The following ZBTB40 variants were observed in gnomAD, a reference collection of about 807,000 sequenced individuals.
ZBTB40 encodes the protein zinc finger and BTB domain-containing protein 40.
Under a neutral mutation model 117.5 loss-of-function variants are expected in ZBTB40, and 60 were observed. The observed-to-expected ratio is 0.51, with a 90% CI of 0.41 to 0.63. The LOEUF is 0.63. Ranked by LOEUF, ZBTB40 falls within the 30% of genes least tolerant of loss-of-function variation. ZBTB40 has a pLI of 0.00. For synonymous variants in ZBTB40, 525 were observed against 577.1 expected (o/e 0.91, Z 1.29); for missense variants, 1,287 against 1,498.5 (o/e 0.86, Z 2.33).
chr1:22,521,525 A>G lies in ZBTB40; in HGVS notation c.3078A>G (p.Arg1026=), dbSNP rs1639524798. ...TGTCTGGTTTGTGGTACCACAATCG[A>G]ACCCACCACCCTGACGTATTTGCTG... The part of the protein sequence containing the change: ...QQLSGLWYHN[R]THHPDVFAAQ... Residue 1026 remains arginine, a synonymous_variant, in exon 15 of 18, where the codon CGA becomes CGG. Coordinates refer to ENST00000375647, the MANE Select transcript of ZBTB40 (RefSeq NM_014870.4). The G allele has an allele frequency of 4.3e-6, 7 of 1,614,222 alleles. No individual in the cohort carries two copies. The highest frequency in any genetic ancestry group is 5.9e-6 in the Non-Finnish European group (7 of 1,180,046).
intron 1 of ZBTB40, among the ~76,000 whole-genome samples, chr1:22,444,402 G>A (rs1205601770): frequency 6.6e-6 from 1 of 152,096 alleles, no homozygotes; most frequent in Non-Finnish European, 1.5e-5. Context: ...GCGACAGAGA[G>A]AGACTCCGTC....
intron 1 of ZBTB40, among the ~76,000 whole-genome samples, chr1:22,430,703 C>A (rs1396542376): frequency 6.6e-6 from 1 of 151,388 alleles, no homozygotes; most frequent in African/African-American, 2.4e-5. Flanking sequence ...AACTCTTAGG[C>A]TGAAGCAATT....
rs542610437 is a variant in ZBTB40, at chr1:22,523,034, G to A, written c.3298+571G>A. On this transcript the variant is annotated intron_variant, in intron 16 of 17. Transcript: ENST00000375647. ...GCGATCTCGGCTCACTGCAAGCTCC[G>A]TCTCCCAGGTTCACGCCATTCTCCT... is the stretch of plus-strand genomic sequence containing the variant. Among the ~76,000 whole-genome samples, 9 of 139,306 alleles carry A rather than the reference G, an allele frequency of 6.5e-5. No homozygotes were observed. In the South Asian group the frequency reaches 1.7e-3, roughly 26 times the overall value. The allele number at this position is 139,306 out of a possible 152,430, so 91.4% of individuals were successfully genotyped here.
intron 1 of ZBTB40, among the ~76,000 whole-genome samples, chr1:22,466,258 A>T (rs1157773453): frequency 6.6e-6 from 1 of 152,206 alleles, no homozygotes; most frequent in African/African-American, 2.4e-5. Flanking sequence ...GTTTACATGT[A>T]TAATATTTTG....
chr1:22,485,746 C>CT (rs1211647125), intron 1 of ZBTB40, among the ~76,000 whole-genome samples: 1 of 152,016 alleles, frequency 6.6e-6, no homozygotes, highest in African/African-American at 2.4e-5. Flanking sequence ...TTTTCTTCTT[C>CT]TTTTTTTACT....
chr1:22,483,670 A>G (rs1638390218), intron 1 of ZBTB40, among the ~76,000 whole-genome samples: 1 of 152,006 alleles, frequency 6.6e-6, no homozygotes. Context: ...TTCTTTGTGT[A>G]TTTTGGATAA....
At chr1:22,519,669 G>T (rs1292983145) in intron 13 of ZBTB40, 2 of 321,852 alleles carry the variant, frequency 6.2e-6, no homozygotes, top group Non-Finnish European at 1.2e-5. Flanking sequence ...TGATGCTCTG[G>T]GGAGTGTGCT....
chr1:22,446,193 A>G (rs1027232491), intron 1 of ZBTB40, among the ~76,000 whole-genome samples: 2 of 151,662 alleles, frequency 1.3e-5, no homozygotes, highest in African/African-American at 4.8e-5. Flanking sequence ...CTCTGAGCTT[A>G]AGGATATGTC....
chr1:22,490,764 G>A, intron 2 of ZBTB40, 119 bp downstream of exon 2: 1 of 1,108,942 alleles, frequency 9.0e-7, no homozygotes, highest in Non-Finnish European at 1.3e-6. Context: ...ATTCAGTGCA[G>A]TACCGTACTG....
At chr1:22,522,609 C>T (rs1469841115) in intron 16 of ZBTB40, 146 bp downstream of exon 16, 7 of 794,854 alleles carry the variant, frequency 8.8e-6, no homozygotes, top group Non-Finnish European at 1.5e-5. Context: ...AGTTGTAGCA[C>T]CTGCCTCATA....
intron 17 of ZBTB40, among the ~76,000 whole-genome samples, chr1:22,524,746 A>G (rs532811041): frequency 1.3e-5 from 2 of 152,128 alleles, no homozygotes; most frequent in African/African-American, 2.4e-5. Flanking sequence ...ACTGCGGGAA[A>G]CCTCGGAGAC....
At chr1:22,466,257 T>C (rs1641252961) in intron 1 of ZBTB40, among the ~76,000 whole-genome samples, 1 of 152,254 alleles carries the variant, frequency 6.6e-6, no homozygotes, top group African/African-American at 2.4e-5. Context: ...TGTTTACATG[T>C]ATAATATTTT....
At chr1:22,523,369 T>A (rs1639592273) in intron 16 of ZBTB40, among the ~76,000 whole-genome samples, 1 of 152,174 alleles carries the variant, frequency 6.6e-6, no homozygotes, top group Non-Finnish European at 1.5e-5. Flanking sequence ...TAATTTGACA[T>A]AGATTTTTAT....
In ZBTB40 at chr1:22,524,455, G is replaced by A. The variant is rs758809790; in HGVS notation, c.3525+11G>A. On this transcript the variant is annotated intron_variant, in intron 17 of 17. Transcript: ENST00000375647. Reference sequence around the variant, plus strand: ...TCACAGATGGCGCAGGTGATTCTGGGGCCATCAGCTACATTAGAATGCTAA... The same window carrying A: ...TCACAGATGGCGCAGGTGATTCTGGAGCCATCAGCTACATTAGAATGCTAA... 9 of 1,611,768 alleles carry A rather than the reference G, an allele frequency of 5.6e-6. No individual in the cohort carries two copies. Among genetic ancestry groups the A allele is most frequent in the Middle Eastern group, 1.6e-4 (1 of 6,076 alleles).
upstream of ZBTB40, among the ~76,000 whole-genome samples, chr1:22,447,616 G>A (rs1475052278): frequency 6.6e-6 from 1 of 152,224 alleles, no homozygotes; most frequent in African/African-American, 2.4e-5. Flanking sequence ...TTCTAAATGT[G>A]AGTGCCTTTT....
intron 15 of ZBTB40, 131 bp downstream of exon 15, chr1:22,521,789 C>A: frequency 7.6e-7 from 1 of 1,322,602 alleles, no homozygotes; most frequent in East Asian, 2.3e-5. Flanking sequence ...TCTGCCCCAG[C>A]GCACCTGTCC....
At chr1:22,450,455 T>A (rs978819970), upstream of ZBTB40, among the ~76,000 whole-genome samples, 1 of 152,134 alleles carries the variant, frequency 6.6e-6, no homozygotes, top group African/African-American at 2.4e-5. Flanking sequence ...CGACCCTGAA[T>A]GTAACGGTGA....
At position 22,521,545 on chromosome 1, in the gene ZBTB40, T is replaced by C; in HGVS notation, c.3098T>C (p.Phe1033Ser). ...YHNRTHHPDV[F>S]AAQNHRSSKF... ...AATCGAACCCACCACCCTGACGTAT[T>C]TGCTGCTCAGAACCACCGATCTTCC... The change falls in exon 15 of 18, where the codon TTT becomes TCT. Residue 1033 changes from phenylalanine (F) to serine (S), a missense_variant. By Grantham distance (155) the Phe-to-Ser change is radical (BLOSUM62 -2). This residue lies in a region of ZBTB40 where 417 missense variants were observed against 564.1 expected (regional missense o/e 0.74). Coordinates refer to ENST00000375647, the MANE Select transcript of ZBTB40 (RefSeq NM_014870.4). The C allele has an allele frequency of 6.2e-7, 1 of 1,614,216 alleles. No homozygotes were observed. The highest frequency in any genetic ancestry group is 8.5e-7 in the Non-Finnish European group (1 of 1,180,052).
chr1:22,501,845 A>T (rs1413357809), intron 4 of ZBTB40, among the ~76,000 whole-genome samples, 161 bp downstream of exon 4: 2 of 152,226 alleles, frequency 1.3e-5, no homozygotes, highest in Non-Finnish European at 2.9e-5. Flanking sequence ...ATATACACCA[A>T]CTAAATTTGA....
Sources: gnomAD v4.1 joint callset for allele counts (sites outside exome capture counted in the v4.1 genomes callset) on GRCh38, gnomAD v4.1.1 for gene constraint, gnomAD v4.1.1 regional missense constraint, MANE v1.5 for transcripts, NCBI Gene and HGNC (gene_info 2026-07-23, HGNC 2026-07-21) for gene names.